Variants in TFAP4 observed in about 807,000 individuals in gnomAD.
TFAP4 encodes the protein activating enhancer-binding protein 4.
TFAP4 carries 7 observed loss-of-function variants against 40.4 expected under a neutral mutation model. That is an observed-to-expected ratio of 0.17 (90% CI 0.10 to 0.33). TFAP4 has a LOEUF of 0.33. Among genes scored for constraint, TFAP4 ranks in the 10% least tolerant of loss-of-function variants. The pLI is 1.00. For synonymous variants in TFAP4, 218 were observed against 181.4 expected, an observed-to-expected ratio of 1.20 and a Z score of -1.62; for missense variants, 374 against 451.1, an observed-to-expected ratio of 0.83 and a Z score of 1.55.
At chr16:4,272,177 A>C (rs1283703500) in intron 1 of TFAP4, among the ~76,000 whole-genome samples, 4 of 125,260 alleles carry the variant, frequency 3.2e-5, no homozygotes, top group Non-Finnish European at 5.1e-5. Flanking sequence ...CCCCGCCCCC[A>C]CCCCGCGCCG....
chr16:4,264,120 T>G (rs1413604332), intron 1 of TFAP4: 1 of 152,574 alleles, frequency 6.6e-6, no homozygotes, highest in Non-Finnish European at 1.5e-5. Flanking sequence ...GGAAAAGGGT[T>G]CTGGGCAGCT....
chr16:4,270,271 G>A (rs1473710492), intron 1 of TFAP4, among the ~76,000 whole-genome samples: 4 of 152,214 alleles, frequency 2.6e-5, no homozygotes, highest in Admixed American at 2.6e-4. Flanking sequence ...CCCAGAGACT[G>A]AGAACCATTA....
rs780341787 is a variant in TFAP4, at chr16:4,258,010, G to T, written c.*45C>A. 5.1e-6 allele frequency: 8 copies of T among 1,568,556 alleles called. No homozygotes were observed. In the East Asian group the frequency reaches 9.2e-5, roughly 18 times the overall value. ...CCATGTCTCTCCCTGTGGCTGCCCCGGCTCCCTCCAGCCCCCAGAAGGGAG... is the reference window on the plus strand; with the variant it reads ...CCATGTCTCTCCCTGTGGCTGCCCCTGCTCCCTCCAGCCCCCAGAAGGGAG... On this transcript the variant is annotated 3_prime_UTR_variant, in exon 7 of 7. Transcript: ENST00000204517.
At chr16:4,260,707 C>A in intron 4 of TFAP4, 112 bp from the exon 5 acceptor site, 2 of 1,314,516 alleles carry the variant, frequency 1.5e-6, no homozygotes, top group Non-Finnish European at 1.0e-6. Flanking sequence ...GGGCGGGCCC[C>A]TCTCAACAGA....
At chr16:4,265,053 G>A (rs1420894259) in intron 1 of TFAP4, 2 of 152,126 alleles carry the variant, frequency 1.3e-5, no homozygotes, top group African/African-American at 4.8e-5. Flanking sequence ...TGGCCCTCCT[G>A]GAGGGTCCAC....
rs1490054726 is a variant in TFAP4 at position 4,258,151 on chromosome 16, G to C, written c.921C>G (p.Ala307=). The change falls in exon 7 of 7, where the codon GCC becomes GCG. Residue 307 remains alanine, a synonymous_variant. Coordinates refer to ENST00000204517, the MANE Select transcript of TFAP4 (RefSeq NM_003223.3). ...AGTCGGAGGCGGTGTCAGAGGTGGG[G>C]GCCTCCGGGCAGCTGCGGACAGGCT... ...IVKPVRSCPE[A]PTSDTASDSE... 1 of 1,613,840 alleles carries C rather than the reference G, an allele frequency of 6.2e-7. No homozygotes were observed. The highest frequency in any genetic ancestry group is 8.5e-7 in the Non-Finnish European group (1 of 1,179,972).
chr16:4,261,855 T>A lies in TFAP4; in HGVS notation c.449A>T (p.Asp150Val). Reference protein sequence around the residue: ...PDIWEDEKAEDLRREMIELRQ... With the variant: ...PDIWEDEKAEVLRREMIELRQ... ...CAGCTCAATCATCTCCCGCCGCAGG[T>A]CCTCCGCCTTCTCGTCCTCCCAGAT... Residue 150 changes from aspartate to valine, a missense_variant, in exon 4 of 7, where the codon GAC becomes GTC. This residue lies in a region of TFAP4 where 161 missense variants were observed against 154.2 expected (regional missense o/e 1.04). Transcript: ENST00000204517. 1 of 1,613,498 alleles carries A rather than the reference T, an allele frequency of 6.2e-7. No homozygotes were observed. The highest frequency in any genetic ancestry group is 8.5e-7 in the Non-Finnish European group (1 of 1,179,860).
rs544301980 is a variant in TFAP4, at chr16:4,262,851, G to C, written c.90-150C>G. ...ATGGAGGGGTGCTCTCTGGGACACCGGGGCGGACTGAATCAGCTGGCTGCG... is the reference window on the plus strand; with the variant it reads ...ATGGAGGGGTGCTCTCTGGGACACCCGGGCGGACTGAATCAGCTGGCTGCG... On this transcript the variant is annotated intron_variant, in intron 1 of 6. Transcript: ENST00000204517. 1.2e-5 allele frequency: 10 copies of C among 845,092 alleles called. No homozygotes were observed. The Admixed American group carries it at 2.7e-4, about 22-fold the overall frequency. The allele number at this position is 845,092 out of a possible 1,614,324, so 52.3% of individuals were successfully genotyped here. A position where few individuals can be genotyped will look rare whatever the true frequency, so the allele number is the denominator to read the frequency against.
chr16:4,263,676 G>C (rs1022054504), intron 1 of TFAP4: 3 of 152,382 alleles, frequency 2.0e-5, no homozygotes, highest in African/African-American at 7.2e-5. Flanking sequence ...CCCTGCGCCG[G>C]AGAAGCGAGG....
Position 4,262,405 on chromosome 16 carries a change from C to A in TFAP4, c.273G>T (p.Gln91His). Reference sequence around the variant, plus strand: ...CCAGGGAGAAGATGTACTCGGCTGTCTGCTGGAGAATGGCTGCCTGAGGGC... The same window carrying A: ...CCAGGGAGAAGATGTACTCGGCTGTATGCTGGAGAATGGCTGCCTGAGGGC... ...EKLSKAAILQ[Q>H]TAEYIFSLEQ... Residue 91 changes from glutamine (Q) to histidine (H), a missense_variant, in exon 3 of 7, where the codon CAG becomes CAT. Around this residue, in one of 6 missense-constraint regions of TFAP4, gnomAD observed 51 missense variants for 91.1 expected, o/e 0.56. Transcript: ENST00000204517. 6 of 1,614,232 alleles carry A rather than the reference C, an allele frequency of 3.7e-6. No homozygotes were observed. The highest frequency in any genetic ancestry group is 5.1e-6 in the Non-Finnish European group (6 of 1,180,048).
At chr16:4,261,334 C>T (rs1227607723) in intron 4 of TFAP4, among the ~76,000 whole-genome samples, 2 of 151,424 alleles carry the variant, frequency 1.3e-5, no homozygotes, top group East Asian at 3.9e-4. Context: ...GACTGGAGTG[C>T]AGTGGCACGA....
chr16:4,266,407 T>G (rs2141095299), intron 1 of TFAP4: 1 of 152,258 alleles, frequency 6.6e-6, no homozygotes, highest in African/African-American at 2.4e-5. Flanking sequence ...GTACAGTTCC[T>G]CGTGGGACCT....
chr16:4,269,413 A>G lies in TFAP4; in HGVS notation c.89+3245T>C, dbSNP rs182011837. Among the ~76,000 whole-genome samples, 192 of 150,800 alleles carry G rather than the reference A, an allele frequency of 1.3e-3. 4 individuals carry two copies. Among genetic ancestry groups the G allele is most frequent in the African/African-American group, 4.6e-3 (187 of 40,944 alleles). On this transcript the variant is annotated intron_variant, in intron 1 of 6. Transcript: ENST00000204517. Reference sequence around the variant, plus strand: ...GAGGCTGAGGCAGGAGAATGGCGTGAACCCGGGAGGCCGAGCTTGCAGTGA... The same window carrying G: ...GAGGCTGAGGCAGGAGAATGGCGTGGACCCGGGAGGCCGAGCTTGCAGTGA...
chr16:4,271,871 A>C (rs1182333485), intron 1 of TFAP4, among the ~76,000 whole-genome samples: 1 of 152,152 alleles, frequency 6.6e-6, no homozygotes, highest in African/African-American at 2.4e-5. Flanking sequence ...GTGGCCCAGG[A>C]GCGCCTACAA....
chr16:4,258,442 C>T lies in TFAP4; in HGVS notation c.823-193G>A, dbSNP rs1597310624. On this transcript the variant is annotated intron_variant, in intron 6 of 6. Transcript: ENST00000204517. The stretch of plus-strand genomic sequence containing the variant: ...TTTACTTTTTTTTTGGAGACAAGCT[C>T]TCGCTATATCACCCAGGCTAGAGTG... The T allele has an allele frequency of 5.4e-6, 3 of 557,988 alleles. No individual in the cohort carries two copies. The South Asian group carries it at 7.0e-5, about 13-fold the overall frequency. 34.6% of individuals were successfully genotyped at this position (557,988 alleles called of 1,614,324 possible).
chr16:4,270,459 T>G (rs2053031945), intron 1 of TFAP4, among the ~76,000 whole-genome samples: 1 of 152,186 alleles, frequency 6.6e-6, no homozygotes, highest in Non-Finnish European at 1.5e-5. Flanking sequence ...AGGTCCTGCC[T>G]AATGAACACA....
rs981210373 is a variant in TFAP4, at chr16:4,272,904, C to G, written c.-158G>C. The G allele has an allele frequency of 0.019, 115 of 6,134 alleles. No individual in the cohort carries two copies. Among genetic ancestry groups the G allele is most frequent in the South Asian group, 0.049 (30 of 610 alleles). The allele number at this position is 6,134 out of a possible 1,614,324, so 0.4% of individuals were successfully genotyped here. A position where few individuals can be genotyped will look rare whatever the true frequency, so the allele number is the denominator to read the frequency against. On this transcript the variant is annotated 5_prime_UTR_variant, in exon 1 of 7. Transcript: ENST00000204517. ...GCGGCGGCGAGGGGAGGGAGGCGGG[C>G]GGGAGGGGCGGGAGGGAGGTCTCTC...
chr16:4,261,020 G>T (rs1304960734), intron 4 of TFAP4, among the ~76,000 whole-genome samples: 1 of 152,186 alleles, frequency 6.6e-6, no homozygotes, highest in East Asian at 1.9e-4. Flanking sequence ...TCAGGCTGCA[G>T]TGTAGTGGCA....
At chr16:4,262,251 G>T in intron 3 of TFAP4, 73 bp downstream of exon 3, 1 of 1,507,232 alleles carries the variant, frequency 6.6e-7, no homozygotes, top group Non-Finnish European at 9.2e-7. Context: ...AGCCACACCT[G>T]AGTCCCAGGC....
Sources: allele counts gnomAD v4.1 joint callset (sites outside exome capture counted in the v4.1 genomes callset), GRCh38; gene constraint gnomAD v4.1.1; regional missense constraint gnomAD v4.1.1; transcripts MANE v1.5; gene names NCBI Gene and HGNC (gene_info 2026-07-23, HGNC 2026-07-21).